Variants in ZNF609 observed in about 807,000 individuals in gnomAD.
ZNF609 encodes zinc finger protein 609.
A neutral mutation model predicts 109.5 loss-of-function variants in ZNF609; 11 were observed. That is an observed-to-expected ratio of 0.10 (90% CI 0.06 to 0.17). ZNF609 has a LOEUF of 0.17. Ranked by LOEUF, ZNF609 falls within the 10% of genes least tolerant of loss-of-function variation. The probability of loss-of-function intolerance (pLI) is 1.00; values close to 1 mark genes in which losing one functional copy is unlikely to be tolerated. For missense variants in ZNF609, 1,559 were observed against 1,772.4 expected (o/e 0.88, Z 2.16); for synonymous variants, 646 against 662.0 (o/e 0.98, Z 0.37).
intron 1 of ZNF609, among the ~76,000 whole-genome samples, chr15:64,469,217 C>G (rs1438718182): frequency 2.0e-5 from 3 of 151,566 alleles, no homozygotes; most frequent in South Asian, 2.1e-4. Flanking sequence ...GAGCCGAGAT[C>G]AAGCCATTGC....
intron 3 of ZNF609, among the ~76,000 whole-genome samples, chr15:64,624,104 G>A (rs904559550): frequency 1.3e-5 from 2 of 152,136 alleles, no homozygotes; most frequent in South Asian, 2.1e-4. Flanking sequence ...AAAGTTTACC[G>A]TGCAATAGGT....
chr15:64,478,059 A>G (rs1366290414), intron 1 of ZNF609, among the ~76,000 whole-genome samples: 1 of 151,896 alleles, frequency 6.6e-6, no homozygotes, highest in Non-Finnish European at 1.5e-5. Context: ...GTTTTTGGTT[A>G]TTTATACCAC....
At chr15:64,525,128 G>A (rs1388057128) in intron 2 of ZNF609, among the ~76,000 whole-genome samples, 2 of 152,078 alleles carry the variant, frequency 1.3e-5, no homozygotes, top group Non-Finnish European at 2.9e-5. Context: ...GAAGATATCT[G>A]ATTCTTTGTC....
chr15:64,462,638 T>C (rs953094516), intron 1 of ZNF609, among the ~76,000 whole-genome samples: 1 of 152,078 alleles, frequency 6.6e-6, no homozygotes, highest in Non-Finnish European at 1.5e-5. Flanking sequence ...AAGAACCAAG[T>C]ACCTTTTTAA....
intron 2 of ZNF609, among the ~76,000 whole-genome samples, chr15:64,532,329 G>T (rs1450192453): frequency 6.6e-6 from 1 of 151,974 alleles, no homozygotes; most frequent in African/African-American, 2.4e-5. Context: ...TATGCTTATT[G>T]TTTATTATCT....
At chr15:64,639,595 T>C (rs1896224856) in intron 3 of ZNF609, among the ~76,000 whole-genome samples, 1 of 152,214 alleles carries the variant, frequency 6.6e-6, no homozygotes, top group Non-Finnish European at 1.5e-5. Flanking sequence ...GTCACTGGAT[T>C]AGGGCAGACC....
chr15:64,667,356 GACAA>G (rs1241857594), intron 3 of ZNF609, among the ~76,000 whole-genome samples: 1 of 152,126 alleles, frequency 6.6e-6, no homozygotes, highest in Non-Finnish European at 1.5e-5. Flanking sequence ...GGTGGCCGTA[GACAA>G]ACAAAAGCTA....
intron 2 of ZNF609, among the ~76,000 whole-genome samples, chr15:64,606,768 C>T (rs913101640): frequency 2.0e-5 from 3 of 151,906 alleles, no homozygotes; most frequent in Non-Finnish European, 2.9e-5. Context: ...TTTGGGAGGC[C>T]GAGGCAGGAG....
intron 1 of ZNF609, among the ~76,000 whole-genome samples, chr15:64,465,514 G>A (rs984272436): frequency 3.3e-5 from 5 of 151,868 alleles, no homozygotes; most frequent in African/African-American, 9.7e-5. Context: ...CTGAATGGCT[G>A]GGTCTACAGG....
intron 1 of ZNF609, among the ~76,000 whole-genome samples, chr15:64,497,933 G>A (rs1893508042): frequency 6.6e-6 from 1 of 151,656 alleles, no homozygotes; most frequent in Non-Finnish European, 1.5e-5. Flanking sequence ...AATGGATAGA[G>A]AAAGGTGGTG....
intron 1 of ZNF609, among the ~76,000 whole-genome samples, chr15:64,489,173 G>T (rs1439308236): frequency 6.9e-6 from 1 of 144,480 alleles, no homozygotes; most frequent in African/African-American, 2.5e-5. Flanking sequence ...CTAGTTTTGT[G>T]TTTTTTTTTT....
chr15:64,667,853 G>C (rs1002113495), intron 3 of ZNF609, among the ~76,000 whole-genome samples: 1 of 152,186 alleles, frequency 6.6e-6, no homozygotes, highest in Non-Finnish European at 1.5e-5. Context: ...TACTAAAAAA[G>C]CTCATAGACT....
intron 2 of ZNF609, among the ~76,000 whole-genome samples, chr15:64,621,808 C>A (rs557764031): frequency 1.3e-5 from 2 of 151,174 alleles, no homozygotes; most frequent in African/African-American, 4.9e-5. Flanking sequence ...TCACTGCAAC[C>A]TCTGCCTCCC....
At chr15:64,666,440 TATTC>T (rs1896649674) in intron 3 of ZNF609, among the ~76,000 whole-genome samples, 1 of 152,184 alleles carries the variant, frequency 6.6e-6, no homozygotes. Context: ...AGGCTGTAAA[TATTC>T]AATAAGATAA....
chr15:64,612,445 G>T (rs548375225), intron 2 of ZNF609, among the ~76,000 whole-genome samples: 1 of 151,956 alleles, frequency 6.6e-6, no homozygotes, highest in Admixed American at 6.6e-5. Flanking sequence ...CACTGTGCCC[G>T]GCCTATATAT....
At chr15:64,631,198 G>A in intron 3 of ZNF609, 1 of 620,962 alleles carries the variant, frequency 1.6e-6, no homozygotes. Context: ...GGTAGAGGCT[G>A]CTGCTTCAGG....
intron 2 of ZNF609, among the ~76,000 whole-genome samples, chr15:64,539,685 G>A (rs763357472): frequency 6.6e-6 from 1 of 152,154 alleles, no homozygotes; most frequent in Non-Finnish European, 1.5e-5. Context: ...TGTATTTTTA[G>A]TAGAGACAGT....
chr15:64,619,383 G>A (rs1004019634), intron 2 of ZNF609, among the ~76,000 whole-genome samples: 1 of 152,148 alleles, frequency 6.6e-6, no homozygotes, highest in Non-Finnish European at 1.5e-5. Context: ...ATGAAATCCT[G>A]TAAAGCCACA....
chr15:64,622,550 A>G (rs1215319917), intron 2 of ZNF609, among the ~76,000 whole-genome samples: 1 of 152,186 alleles, frequency 6.6e-6, no homozygotes, highest in African/African-American at 2.4e-5. Context: ...AACTTTTTAA[A>G]AAACATTTTA....
Sources: allele counts gnomAD v4.1 joint callset (sites outside exome capture counted in the v4.1 genomes callset), GRCh38; gene constraint gnomAD v4.1.1; transcripts MANE v1.5; gene names NCBI Gene and HGNC (gene_info 2026-07-23, HGNC 2026-07-21).